Variants in DYNC2H1 observed in about 807,000 individuals in gnomAD.
DYNC2H1 encodes the protein cytoplasmic dynein 2 heavy chain 1.
In DYNC2H1, 410 loss-of-function variants were observed where a neutral mutation model predicts 570.0. The observed-to-expected ratio is 0.72, with a 90% confidence interval of 0.66 to 0.78. DYNC2H1 has a LOEUF of 0.78. DYNC2H1 is among the 30% of genes least tolerant of loss of function. The pLI is 0.00. For synonymous variants in DYNC2H1, 1,688 were observed against 1,677.6 expected, an observed-to-expected ratio of 1.01 and a Z score of -0.15; for missense variants, 4,865 against 5,046.4, an observed-to-expected ratio of 0.96 and a Z score of 1.09.
rs1862097125 is a variant in DYNC2H1 at position 103,186,957 on chromosome 11, A to G, written c.6894-383A>G. ...ATTATTTTCATATTTCTAGTAGGGG[A>G]GTAGTAATTTTAAAAATTGTATAAA... On this transcript the variant is annotated intron_variant, in intron 42 of 88. Transcript: ENST00000375735. The surrounding 1 kb of genome is among the most constrained non-coding windows in gnomAD (Gnocchi z 4.5). Among the ~76,000 whole-genome samples, 1 of 151,916 alleles carries G rather than the reference A, an allele frequency of 6.6e-6. No homozygotes were observed. Among genetic ancestry groups the G allele is most frequent in the Admixed American group, 6.6e-5 (1 of 15,194 alleles).
Position 103,325,219 on chromosome 11 carries a change from T to C in DYNC2H1, c.12039+1229T>C, listed in dbSNP as rs1330939318. Among the ~76,000 whole-genome samples, 1 of 152,170 alleles carries C rather than the reference T, an allele frequency of 6.6e-6. No individual in the cohort carries two copies. Among genetic ancestry groups the C allele is most frequent in the Non-Finnish European group, 1.5e-5 (1 of 67,992 alleles). ...TCTGCAGAAGCTCTTTAGTTAGGTC[T>C]CATTTGACAATTTTTGTTTGGGTTG... On this transcript the variant is annotated intron_variant, in intron 82 of 88. Transcript: ENST00000375735. This position sits in a 1 kb window ranked among gnomAD's most constrained non-coding sequence, Gnocchi z 4.8.
At position 103,235,653 on chromosome 11, in the gene DYNC2H1, T is replaced by G; in HGVS notation, c.9568-19T>G. 1.9e-6 allele frequency: 3 copies of G among 1,596,046 alleles called. No homozygotes were observed. Among genetic ancestry groups the G allele is most frequent in the Non-Finnish European group, 2.6e-6 (3 of 1,170,812 alleles). ...ACATACTCATATATCTCCCTCTTTCTTCTCTCTCTTTTTTCCAGGTTGTAG... is the reference window on the plus strand; with the variant it reads ...ACATACTCATATATCTCCCTCTTTCGTCTCTCTCTTTTTTCCAGGTTGTAG... On this transcript the variant is annotated intron_variant, in intron 61 of 88. Coordinates refer to ENST00000375735, the MANE Select transcript of DYNC2H1 (RefSeq NM_001377.3).
rs1378748206 is a variant in DYNC2H1, at chr11:103,189,514, G to T, written c.7293-158G>T. 2.6e-5 allele frequency among the ~76,000 whole-genome samples: 4 copies of T among 152,064 alleles called. No homozygotes were observed. The highest frequency in any genetic ancestry group is 1.3e-4 in the Admixed American group (2 of 15,244). On this transcript the variant is annotated intron_variant, in intron 44 of 88. Transcript: ENST00000375735. This position sits in a 1 kb window ranked among gnomAD's most constrained non-coding sequence, Gnocchi z 4.3. The stretch of plus-strand genomic sequence containing the variant: ...AATTTGGTTGAAATGAGAATGGATC[G>T]GGGCGATGAGCCTAGTCTTAGCCCC...
At chr11:103,125,370 T>C in intron 12 of DYNC2H1, 75 bp downstream of exon 12, 1 of 983,632 alleles carries the variant, frequency 1.0e-6, no homozygotes, top group South Asian at 2.4e-5. Flanking sequence ...TAAAGGCTTT[T>C]TTTTTTTTTT....
At chr11:103,219,640 G>A (rs1863512498) in intron 55 of DYNC2H1, among the ~76,000 whole-genome samples, 1 of 151,850 alleles carries the variant, frequency 6.6e-6, no homozygotes, top group South Asian at 2.1e-4. Context: ...AGAAAATTAC[G>A]TTTTTCTATC....
At position 103,145,831 on chromosome 11, in the gene DYNC2H1, A is replaced by G. The variant is rs1258654414; in HGVS notation, c.2703-1941A>G. On this transcript the variant is annotated intron_variant, in intron 18 of 88. Coordinates refer to ENST00000375735, the MANE Select transcript of DYNC2H1 (RefSeq NM_001377.3). This position sits in a 1 kb window ranked among gnomAD's most constrained non-coding sequence, Gnocchi z 4.2. ...CTTCCATTTCTATCTATGGCTGAACAGAATCTCAGTTTCATATTGTGAATA... is the reference window on the plus strand; with the variant it reads ...CTTCCATTTCTATCTATGGCTGAACGGAATCTCAGTTTCATATTGTGAATA... Among the ~76,000 whole-genome samples the G allele has an allele frequency of 2.6e-5, 4 of 152,236 alleles. No homozygotes were observed. Among genetic ancestry groups the G allele is most frequent in the Non-Finnish European group, 2.9e-5 (2 of 68,028 alleles).
At chr11:103,386,955 A>G (rs2135594385) in intron 83 of DYNC2H1, among the ~76,000 whole-genome samples, 1 of 151,894 alleles carries the variant, frequency 6.6e-6, no homozygotes, top group East Asian at 1.9e-4. Flanking sequence ...GTGCAGCAAT[A>G]AACATACGTG....
At chr11:103,172,944 G>A (rs181835657) in intron 34 of DYNC2H1, 138 bp from the exon 35 acceptor site, 199 of 328,820 alleles carry the variant, frequency 6.1e-4, no homozygotes, top group Non-Finnish European at 7.6e-4. Flanking sequence ...TAAGATTTAT[G>A]TGTAGTAATA....
chr11:103,399,767 A>C lies in DYNC2H1; in HGVS notation c.12261A>C (p.Val4087=), dbSNP rs766132499. 7.4e-6 allele frequency: 12 copies of C among 1,613,940 alleles called. No homozygotes were observed. Among genetic ancestry groups the C allele is most frequent in the Non-Finnish European group, 1.0e-5 (12 of 1,179,842 alleles). The change falls in exon 84 of 89, where the codon GTA becomes GTC. Residue 4087 remains valine, a synonymous_variant. Coordinates refer to ENST00000375735, the MANE Select transcript of DYNC2H1 (RefSeq NM_001377.3). ...ILEQFNAIRL[V]QSVHQSLAAL... is the part of the protein sequence containing the mutation. ...AACAATTTAATGCTATTCGTTTAGT[A>C]CAAAGTGTCCACCAGTCTCTTGCTG... is the stretch of plus-strand genomic sequence containing the variant.
intron 72 of DYNC2H1, among the ~76,000 whole-genome samples, 186 bp downstream of exon 72, chr11:103,282,415 GA>G (rs2135342100): frequency 6.6e-6 from 1 of 152,018 alleles, no homozygotes; most frequent in East Asian, 1.9e-4. Context: ...TTACTTTGAA[GA>G]CATATATTCT....
rs201819231 is a variant in DYNC2H1 at position 103,156,563 on chromosome 11, G to A, written c.3920G>A (p.Cys1307Tyr). The A allele has an allele frequency of 5.0e-6, 8 of 1,613,408 alleles. No individual in the cohort carries two copies. Among genetic ancestry groups the A allele is most frequent in the Non-Finnish European group, 6.8e-6 (8 of 1,179,606 alleles). ...DIVNQVGDNR[C>Y]LLQSLKDSPY... ...GTAAATCAGGTTGGAGATAATAGAT[G>A]CCTTCTCCAATCCTTAAAGGATTCT... The change falls in exon 26 of 89, where the codon TGC becomes TAC. Residue 1307 changes from cysteine (C) to tyrosine (Y), a missense_variant. Physicochemically the swap from Cys to Tyr is radical, Grantham distance 194 (BLOSUM62 -2). Coordinates refer to ENST00000375735, the MANE Select transcript of DYNC2H1 (RefSeq NM_001377.3).
chr11:103,132,621 A>T (rs1859333698), intron 13 of DYNC2H1, among the ~76,000 whole-genome samples: 1 of 143,096 alleles, frequency 7.0e-6, no homozygotes, highest in Non-Finnish European at 1.5e-5. Flanking sequence ...ATATTTTAGA[A>T]AACAGTCTCT....
chr11:103,323,853 T>A (rs775738832), intron 81 of DYNC2H1, 33 bp from the exon 82 acceptor site: 63 of 1,532,616 alleles, frequency 4.1e-5, no homozygotes, highest in Non-Finnish European at 4.8e-5. Context: ...CTTTATTTTT[T>A]AAAAAAACTG....
At chr11:103,236,398 G>A (rs1864221183) in intron 62 of DYNC2H1, 32 bp from the exon 63 acceptor site, 3 of 1,212,340 alleles carry the variant, frequency 2.5e-6, no homozygotes, top group East Asian at 2.3e-5. Context: ...CAAGATCGTT[G>A]TGAAGTATTA....
Position 103,200,115 on chromosome 11 carries a change from C to T in DYNC2H1, c.8158C>T (p.Pro2720Ser), listed in dbSNP as rs1039320465. ...LLLEDYQFVH[P>S]TFLEMINSLL... ...TCTTGAGGATTACCAGTTTGTACAT[C>T]CTACATTTTTGGAGATGATCAATAG... The change falls in exon 50 of 89, where the codon CCT (proline) becomes TCT (serine). Residue 2720 changes from proline to serine, a missense_variant. This residue lies in a region of DYNC2H1 where 2,401 missense variants were observed against 2,454.6 expected (regional missense o/e 0.98). Transcript: ENST00000375735. 9 of 1,585,514 alleles carry T rather than the reference C, an allele frequency of 5.7e-6. No individual in the cohort carries two copies. The highest frequency in any genetic ancestry group is 7.7e-6 in the Non-Finnish European group (9 of 1,165,080).
rs747329968 is a variant in DYNC2H1 at position 103,204,777 on chromosome 11, C to T, written c.8312-45C>T. 21 of 1,508,378 alleles carry T rather than the reference C, an allele frequency of 1.4e-5. No individual in the cohort carries two copies. In the Middle Eastern group the frequency reaches 6.0e-4, roughly 43 times the overall value. The allele number at this position is 1,508,378 out of a possible 1,614,324, so 93.4% of individuals were successfully genotyped here. On this transcript the variant is annotated intron_variant, in intron 51 of 88. Coordinates refer to ENST00000375735, the MANE Select transcript of DYNC2H1 (RefSeq NM_001377.3). This position sits in a 1 kb window ranked among gnomAD's most constrained non-coding sequence, Gnocchi z 4.1. ...ATTTTGATCTCTTTAACCCAGACCA[C>T]GTATAGATTGCCTGATTGTATTATT...
chr11:103,348,067 A>T (rs1386200558), intron 82 of DYNC2H1, among the ~76,000 whole-genome samples: 1 of 152,200 alleles, frequency 6.6e-6, no homozygotes, highest in South Asian at 2.1e-4. Flanking sequence ...AATGTTTATT[A>T]TTTAACACTA....
At chr11:103,412,060 A>AAAAC (rs1201248924) in intron 84 of DYNC2H1, among the ~76,000 whole-genome samples, 1 of 152,164 alleles carries the variant, frequency 6.6e-6, no homozygotes, top group African/African-American at 2.4e-5. Flanking sequence ...TCAGATCAGT[A>AAAAC]AAACACTTTC....
In DYNC2H1 at chr11:103,307,842, T is replaced by A. The variant is rs751252373; in HGVS notation, c.11493+11T>A. ...AAGATAACATATGAGGTAAGAAGAT[T>A]TAAAACTTGGATCACCAGTTGTATG... On this transcript the variant is annotated intron_variant, in intron 78 of 88. Coordinates refer to ENST00000375735, the MANE Select transcript of DYNC2H1 (RefSeq NM_001377.3). The A allele has an allele frequency of 7.3e-6, 11 of 1,513,856 alleles. No homozygotes were observed. In the South Asian group the frequency reaches 1.3e-4, roughly 18 times the overall value. 93.8% of individuals were successfully genotyped at this position (1,513,856 alleles called of 1,614,324 possible).
Sources: gnomAD v4.1 joint callset for allele counts (sites outside exome capture counted in the v4.1 genomes callset) on GRCh38, gnomAD v4.1.1 for gene constraint, gnomAD v4.1.1 regional missense constraint, Gnocchi (gnomAD v3.1) non-coding constraint, MANE v1.5 for transcripts, NCBI Gene and HGNC (gene_info 2026-07-23, HGNC 2026-07-21) for gene names.